Variants in SCP2 observed in about 807,000 individuals in gnomAD.
The protein encoded by SCP2 is sterol carrier protein 2, also known as SCP-2/3-oxoacyl-CoA thiolase.
Under a neutral mutation model 71.4 loss-of-function variants are expected in SCP2, and 48 were observed. That is an observed-to-expected ratio of 0.67 (90% confidence interval 0.53 to 0.86). The LOEUF (loss-of-function observed/expected upper bound fraction) is 0.86, where lower values mean the gene tolerates loss of function less well. Among genes scored for constraint, SCP2 ranks in the 40% least tolerant of loss-of-function variants. The pLI is 0.00. For missense variants in SCP2, 560 were observed against 655.6 expected (o/e 0.85, Z 1.59); for synonymous variants, 220 against 218.1 (o/e 1.01, Z -0.08).
intron 13 of SCP2, among the ~76,000 whole-genome samples, chr1:53,035,209 A>G (rs1033642502): frequency 2.6e-5 from 4 of 152,208 alleles, no homozygotes; most frequent in Non-Finnish European, 5.9e-5. Context: ...AATAAAAGCT[A>G]TTAGAAATTA....
intron 7 of SCP2, among the ~76,000 whole-genome samples, chr1:52,975,747 A>T (rs548887877): frequency 6.6e-6 from 1 of 152,322 alleles, no homozygotes. Flanking sequence ...AGGAAACATA[A>T]ATATGGTATT....
chr1:53,022,639 G>T (rs1288039951), intron 12 of SCP2, among the ~76,000 whole-genome samples: 1 of 152,144 alleles, frequency 6.6e-6, no homozygotes, highest in African/African-American at 2.4e-5. Context: ...GTACTTCTTT[G>T]TTTAATCCTC....
intron 2 of SCP2, among the ~76,000 whole-genome samples, chr1:52,943,322 A>T (rs978882633): frequency 2.0e-5 from 3 of 150,788 alleles, no homozygotes; most frequent in Non-Finnish European, 4.4e-5. Flanking sequence ...TCCCGGGTTC[A>T]CGCTATTCTC....
At position 52,989,722 on chromosome 1, in the gene SCP2, A is replaced by G. The variant is rs190480793; in HGVS notation, c.1081+1586A>G. Among the ~76,000 whole-genome samples, 9 of 152,338 alleles carry G rather than the reference A, an allele frequency of 5.9e-5. No homozygotes were observed. In the East Asian group the frequency reaches 1.5e-3, roughly 26 times the overall value. ...GCAATTGTCGAGAAAAATCAGCCACAACTGTTCAACAAAGTAGCTACCTCA... is the reference window on the plus strand; with the variant it reads ...GCAATTGTCGAGAAAAATCAGCCACGACTGTTCAACAAAGTAGCTACCTCA... On this transcript the variant is annotated intron_variant, in intron 11 of 15. Coordinates refer to ENST00000371514, the MANE Select transcript of SCP2 (RefSeq NM_002979.5).
chr1:53,027,916 A>G, intron 12 of SCP2, 53 bp from the exon 13 acceptor site: 1 of 988,678 alleles, frequency 1.0e-6, no homozygotes, highest in Non-Finnish European at 1.6e-6. Flanking sequence ...ATAAATGTTG[A>G]AAAACCTAGT....
intron 14 of SCP2, among the ~76,000 whole-genome samples, chr1:53,042,339 G>GT (rs113677286): frequency 0.05 from 7,349 of 147,276 alleles, 545 homozygotes; most frequent in African/African-American, 0.17. Context: ...TATTAAGGTT[G>GT]TTTTTTTTTT....
At chr1:53,028,104 C>T (rs1036883879) in intron 13 of SCP2, 33 bp downstream of exon 13, 2 of 1,235,524 alleles carry the variant, frequency 1.6e-6, no homozygotes. Flanking sequence ...CCAGGAAGGA[C>T]CTTGAGGCTA....
chr1:52,982,299 G>A (rs77558359), intron 10 of SCP2, among the ~76,000 whole-genome samples: 28 of 152,124 alleles, frequency 1.8e-4, no homozygotes, highest in South Asian at 4.1e-4. Context: ...GGCAGGGCGC[G>A]GTGGCTCAGG....
At chr1:52,940,268 G>C (rs535401443) in intron 1 of SCP2, 2 of 153,224 alleles carry the variant, frequency 1.3e-5, no homozygotes, top group Non-Finnish European at 2.9e-5. Flanking sequence ...ACTTAGCGTG[G>C]TGGTGCGTGC....
chr1:53,007,459 C>T (rs1660709707), intron 11 of SCP2, among the ~76,000 whole-genome samples: 1 of 152,136 alleles, frequency 6.6e-6, no homozygotes. Flanking sequence ...AACTAGAACT[C>T]AGGATTAAGA....
chr1:53,014,791 C>T lies in SCP2; in HGVS notation c.1082-99C>T, dbSNP rs1044169613. On this transcript the variant is annotated intron_variant, in intron 11 of 15. Transcript: ENST00000371514. ...GTTACTATTTACACAAACGTGGCCTCGGCTTAATCAAATGCTTTAATTTAA... is the reference window on the plus strand; with the variant it reads ...GTTACTATTTACACAAACGTGGCCTTGGCTTAATCAAATGCTTTAATTTAA... The T allele has an allele frequency of 5.8e-6, 8 of 1,377,678 alleles. No homozygotes were observed. The African/African-American group carries it at 8.6e-5, about 15-fold the overall frequency. 85.3% of individuals were successfully genotyped at this position (1,377,678 alleles called of 1,614,324 possible). A position where few individuals can be genotyped will look rare whatever the true frequency, so the allele number is the denominator to read the frequency against.
chr1:52,963,178 C>T (rs1358107368), intron 6 of SCP2, among the ~76,000 whole-genome samples: 2 of 152,080 alleles, frequency 1.3e-5, no homozygotes, highest in Non-Finnish European at 2.9e-5. Flanking sequence ...TCTTAGATAG[C>T]TTCATATTGC....
chr1:53,012,538 G>A (rs984231703), intron 11 of SCP2, among the ~76,000 whole-genome samples: 8 of 152,140 alleles, frequency 5.3e-5, no homozygotes, highest in African/African-American at 1.2e-4. Context: ...CCCTCTCTAC[G>A]TAACCATTCC....
rs1371707527 is a variant in SCP2 at position 52,943,704 on chromosome 1, C to A, written c.127+1851C>A. Reference sequence around the variant, plus strand: ...TGGAAGTGCCAATCTGTTTTTAAGTCCTGAGCAATTTGTTGCACCAGACGC... The same window carrying A: ...TGGAAGTGCCAATCTGTTTTTAAGTACTGAGCAATTTGTTGCACCAGACGC... On this transcript the variant is annotated intron_variant, in intron 2 of 15. Transcript: ENST00000371514. 3.1e-5 allele frequency: 14 copies of A among 447,370 alleles called. No homozygotes were observed. In the East Asian group the frequency reaches 4.8e-4, roughly 15 times the overall value. The allele number at this position is 447,370 out of a possible 1,614,324, so 27.7% of individuals were successfully genotyped here.
intron 6 of SCP2, 24 bp from the exon 7 acceptor site, chr1:52,974,745 G>A (rs1198059374): frequency 3.1e-6 from 4 of 1,284,342 alleles, no homozygotes; most frequent in Non-Finnish European, 3.4e-6. Context: ...TTCACCCACT[G>A]GTAGATGTTT....
At chr1:53,037,970 C>CACAGATCCAGATCCTGTCTCTAT in intron 13 of SCP2, among the ~76,000 whole-genome samples, 1 of 142,894 alleles carries the variant, frequency 7.0e-6, no homozygotes, top group African/African-American at 2.8e-5. Flanking sequence ...CACACACACA[C>CACAGATCCAGATCCTGTCTCTAT]ACACACACAC....
intron 11 of SCP2, among the ~76,000 whole-genome samples, chr1:53,013,002 A>G (rs948964690): frequency 2.0e-5 from 3 of 151,390 alleles, no homozygotes; most frequent in Non-Finnish European, 2.9e-5. Context: ...AGTAAAACTG[A>G]TTGCCCCCAA....
At position 52,988,116 on chromosome 1, in the gene SCP2, G is replaced by A; in HGVS notation, c.1061G>A (p.Gly354Glu). The change falls in exon 11 of 16, where the codon GGA becomes GAA. Residue 354 changes from glycine (G) to glutamate (E), a missense_variant. Transcript: ENST00000371514. Reference sequence around the variant, plus strand: ...CCTAGTGGTGGACTGATTTCAAAGGGACACCCACTAGGCGCTACAGGTAAT... The same window carrying A: ...CCTAGTGGTGGACTGATTTCAAAGGAACACCCACTAGGCGCTACAGGTAAT... ...INPSGGLISKGHPLGATGLAQ... is the reference protein window; with the variant it reads ...INPSGGLISKEHPLGATGLAQ... 10 of 1,573,462 alleles carry A rather than the reference G, an allele frequency of 6.4e-6. No individual in the cohort carries two copies. Among genetic ancestry groups the A allele is most frequent in the Non-Finnish European group, 8.7e-6 (10 of 1,143,298 alleles).
intron 3 of SCP2, 57 bp from the exon 4 acceptor site, chr1:52,950,698 T>C: frequency 7.1e-7 from 1 of 1,407,858 alleles, no homozygotes; most frequent in Non-Finnish European, 1.0e-6. Flanking sequence ...AATGTAGTAT[T>C]ATGTTGCATT....
Sources: gnomAD v4.1 joint callset for allele counts (sites outside exome capture counted in the v4.1 genomes callset) on GRCh38, gnomAD v4.1.1 for gene constraint, MANE v1.5 for transcripts, NCBI Gene and HGNC (gene_info 2026-07-23, HGNC 2026-07-21) for gene names.